Variants in ERICH3 observed in about 807,000 individuals in gnomAD.
ERICH3 encodes glutamate rich 3, also known as glutamate-rich protein 3.
ERICH3 carries 126 observed loss-of-function variants against 131.1 expected under a neutral mutation model. The observed-to-expected ratio is 0.96, with a 90% CI of 0.83 to 1.11. ERICH3 has a LOEUF of 1.11. Ranked by LOEUF, ERICH3 falls within the 50% of genes most tolerant of loss-of-function variation. The pLI is 0.00. For synonymous variants in ERICH3, 695 were observed against 644.6 expected (o/e 1.08, Z -1.18); for missense variants, 2,050 against 1,810.7 (o/e 1.13, Z -2.40).
intron 12 of ERICH3, among the ~76,000 whole-genome samples, chr1:74,583,700 A>C (rs17095641): frequency 0.016 from 2,511 of 152,312 alleles, 85 homozygotes; most frequent in African/African-American, 0.057. Flanking sequence ...TTACGCCCTG[A>C]AACAAAAATA....
intron 1 of ERICH3, 133 bp downstream of exon 1, chr1:74,673,364 T>A: frequency 1.0e-6 from 1 of 979,586 alleles, no homozygotes; most frequent in Non-Finnish European, 1.5e-6. Context: ...AGAATTCGTA[T>A]ATATTTTCCT....
rs74382926 is a variant in ERICH3, at chr1:74,643,077, T to A, written c.265A>T (p.Lys89Ter). 6.2e-7 allele frequency: 1 copy of A among 1,611,316 alleles called. No individual in the cohort carries two copies. Among genetic ancestry groups the A allele is most frequent in the African/African-American group, 1.3e-5 (1 of 74,938 alleles). Residue 89 changes from lysine to a stop codon, truncating the protein, a stop_gained, in exon 4 of 15, where the codon AAA becomes TAA. Transcript: ENST00000326665. LOFTEE classifies it high-confidence loss of function. Reference protein sequence around the residue: ...DMERYHQLEIKKKLETLARKE... With the variant: ...DMERYHQLEI The stretch of plus-strand genomic sequence containing the variant: ...CTAGCTAAGGTCTCCAATTTCTTTT[T>A]TATTTCAAGCTGATGGTAACGCTAA...
At chr1:74,668,015 C>T (rs1013286000) in intron 1 of ERICH3, among the ~76,000 whole-genome samples, 16 of 152,134 alleles carry the variant, frequency 1.1e-4, no homozygotes, top group African/African-American at 3.1e-4. Context: ...CGATGTAAGA[C>T]GTTCCTTGCT....
chr1:74,628,919 A>G (rs1049244726), intron 7 of ERICH3, among the ~76,000 whole-genome samples: 5 of 152,170 alleles, frequency 3.3e-5, no homozygotes, highest in African/African-American at 1.2e-4. Flanking sequence ...ATGGATTTTC[A>G]TTATAACTCA....
At chr1:74,625,287 G>C (rs1384651813) in intron 7 of ERICH3, 2 of 151,996 alleles carry the variant, frequency 1.3e-5, no homozygotes, top group Non-Finnish European at 1.5e-5. Context: ...GGGCCAACTA[G>C]TGAAGGTTTC....
chr1:74,596,817 A>G (rs537806599), intron 11 of ERICH3, among the ~76,000 whole-genome samples: 1 of 152,168 alleles, frequency 6.6e-6, no homozygotes, highest in Admixed American at 6.6e-5. Context: ...TCATTCCTAA[A>G]CCAGGGTCCT....
At chr1:74,651,440 G>A (rs943042779) in intron 1 of ERICH3, among the ~76,000 whole-genome samples, 4 of 152,042 alleles carry the variant, frequency 2.6e-5, no homozygotes, top group Admixed American at 6.6e-5. Flanking sequence ...AACCAGCTCC[G>A]GATAATGCTT....
At chr1:74,633,561 T>C (rs1646361516) in intron 6 of ERICH3, among the ~76,000 whole-genome samples, 1 of 152,006 alleles carries the variant, frequency 6.6e-6, no homozygotes, top group African/African-American at 2.4e-5. Context: ...TGTTGTTCTT[T>C]ACCTTGCTTC....
At chr1:74,584,401 A>G (rs1570819891) in intron 12 of ERICH3, among the ~76,000 whole-genome samples, 1 of 152,228 alleles carries the variant, frequency 6.6e-6, no homozygotes, top group East Asian at 1.9e-4. Context: ...CTCTGACCTC[A>G]TCTTGTACTA....
At chr1:74,646,443 C>A (rs1646484262) in intron 3 of ERICH3, among the ~76,000 whole-genome samples, 1 of 152,042 alleles carries the variant, frequency 6.6e-6, no homozygotes, top group Non-Finnish European at 1.5e-5. Context: ...TTACGCTAGA[C>A]TTCTGGCTCC....
chr1:74,643,557 T>C (rs1385497316), intron 3 of ERICH3, among the ~76,000 whole-genome samples: 4 of 152,148 alleles, frequency 2.6e-5, no homozygotes, highest in African/African-American at 9.6e-5. Context: ...GTTTAAAAAA[T>C]GGACAATGCA....
In ERICH3 at chr1:74,589,743, G is replaced by C. The variant is rs187355278; in HGVS notation, c.2064C>G (p.Ser688=). 4 of 1,613,916 alleles carry C rather than the reference G, an allele frequency of 2.5e-6. No individual in the cohort carries two copies. The highest frequency in any genetic ancestry group is 1.1e-5 in the South Asian group (1 of 91,068). ...QEIAEGLSEK[S]GKHVSAEEKE... ...TTTCTTCTGCAGAAACATGTTTCCCGGACTTCTCAGATAAACCCTCTGCAA... is the reference window on the plus strand; with the variant it reads ...TTTCTTCTGCAGAAACATGTTTCCCCGACTTCTCAGATAAACCCTCTGCAA... The change falls in exon 12 of 15, where the codon TCC becomes TCG. Residue 688 remains serine (S), a synonymous_variant. Coordinates refer to ENST00000326665, the MANE Select transcript of ERICH3 (RefSeq NM_001002912.5).
intron 12 of ERICH3, among the ~76,000 whole-genome samples, chr1:74,583,711 C>G (rs1187102146): frequency 6.6e-6 from 1 of 152,172 alleles, no homozygotes; most frequent in African/African-American, 2.4e-5. Flanking sequence ...AACAAAAATA[C>G]TGGTTATTCT....
chr1:74,578,931 A>G (rs1647126939), intron 12 of ERICH3, among the ~76,000 whole-genome samples: 1 of 152,306 alleles, frequency 6.6e-6, no homozygotes, highest in South Asian at 2.1e-4. Context: ...CGACAAACAG[A>G]AATGAAAAAG....
intron 13 of ERICH3, among the ~76,000 whole-genome samples, chr1:74,574,255 G>A (rs1647012989): frequency 6.6e-6 from 1 of 151,952 alleles, no homozygotes; most frequent in Non-Finnish European, 1.5e-5. Context: ...AAAGTGTTGG[G>A]ATTACAGGTG....
At chr1:74,640,074 T>G (rs570708261) in intron 5 of ERICH3, among the ~76,000 whole-genome samples, 106 of 152,306 alleles carry the variant, frequency 7.0e-4, no homozygotes, top group Non-Finnish European at 1.4e-3. Context: ...TTCCTGTAAT[T>G]TTAAAATTAC....
rs1157612862 is a variant in ERICH3 at position 74,673,572 on chromosome 1, G to A, written c.-53C>T. ...GGCAGGTGCGGAGGGTGGGTGCGTGGGGCCCCGTGCGCGCTGGCGCTGCGA... is the reference window on the plus strand; with the variant it reads ...GGCAGGTGCGGAGGGTGGGTGCGTGAGGCCCCGTGCGCGCTGGCGCTGCGA... On this transcript the variant is annotated 5_prime_UTR_variant, in exon 1 of 15. Coordinates refer to ENST00000326665, the MANE Select transcript of ERICH3 (RefSeq NM_001002912.5). 13 of 1,594,682 alleles carry A rather than the reference G, an allele frequency of 8.2e-6. No homozygotes were observed. Among genetic ancestry groups the A allele is most frequent in the Non-Finnish European group, 1.7e-6 (2 of 1,170,518 alleles).
intron 12 of ERICH3, chr1:74,577,342 A>G (rs1467203234): frequency 6.4e-6 from 1 of 157,306 alleles, no homozygotes. Context: ...CTAGGTAATG[A>G]TGTGCCCTTA....
intron 8 of ERICH3, among the ~76,000 whole-genome samples, chr1:74,616,744 C>T (rs1275882882): frequency 6.6e-6 from 1 of 151,934 alleles, no homozygotes; most frequent in Non-Finnish European, 1.5e-5. Flanking sequence ...AAGTTTGGCC[C>T]TCAATCCAAT....
Sources: allele counts gnomAD v4.1 joint callset (sites outside exome capture counted in the v4.1 genomes callset), GRCh38; gene constraint gnomAD v4.1.1; transcripts MANE v1.5; gene names NCBI Gene and HGNC (gene_info 2026-07-23, HGNC 2026-07-21).